The following VEPH1 variants were observed in gnomAD, a reference collection of about 807,000 sequenced individuals.
VEPH1 encodes the protein ventricular zone-expressed PH domain-containing protein homolog 1.
Under a neutral mutation model 85.2 loss-of-function variants are expected in VEPH1, and 80 were observed. The ratio of observed to expected loss-of-function variants is 0.94; its 90% CI spans 0.78 to 1.13. The LOEUF (loss-of-function observed/expected upper bound fraction) is 1.13. Ranked by LOEUF, VEPH1 falls within the 50% of genes most tolerant of loss-of-function variation. The pLI, the probability that VEPH1 is intolerant of heterozygous loss-of-function variation, is 0.00. For synonymous variants in VEPH1, 297 were observed against 348.0 expected, an observed-to-expected ratio of 0.85 and a Z score of 1.63; for missense variants, 955 against 980.5, an observed-to-expected ratio of 0.97 and a Z score of 0.35.
chr3:157,437,569 C>T (rs774898149), intron 4 of VEPH1: 1 of 1,600,070 alleles, frequency 6.2e-7, no homozygotes, highest in Non-Finnish European at 8.5e-7. Context: ...CTTCATCATG[C>T]TGGAGAACTC....
chr3:157,360,974 C>A lies in VEPH1; in HGVS notation c.1735+2390G>T, dbSNP rs186285829. ...AGACTAAAACTCATTGCATAGTAAA[C>A]CTTTAATGCTTTAGATCAACTTTGA... On this transcript the variant is annotated intron_variant, in intron 9 of 13. Coordinates refer to ENST00000362010, the MANE Select transcript of VEPH1 (RefSeq NM_001167912.2). Among the ~76,000 whole-genome samples, 253 of 152,266 alleles carry A rather than the reference C, an allele frequency of 1.7e-3. 1 individual carries two copies. The highest frequency in any genetic ancestry group is 2.7e-3 in the Non-Finnish European group (187 of 68,010).
At chr3:157,437,687 C>A (rs1430639564) in intron 4 of VEPH1, 3 of 1,533,962 alleles carry the variant, frequency 2.0e-6, no homozygotes, top group Non-Finnish European at 2.6e-6. Flanking sequence ...CTGGCGAGGC[C>A]GTGCGCGCCG....
rs781391207 is a variant in VEPH1 at position 157,364,514 on chromosome 3, T to C, written c.1128-2A>G. The C allele has an allele frequency of 6.2e-7, 1 of 1,612,168 alleles. No homozygotes were observed. Among genetic ancestry groups the C allele is most frequent in the South Asian group, 1.1e-5 (1 of 91,008 alleles). ...TCAATTTCAGTGCTGATTTTTCTCCTAAAGGAATATAAATCATTGCATTAG... is the reference window on the plus strand; with the variant it reads ...TCAATTTCAGTGCTGATTTTTCTCCCAAAGGAATATAAATCATTGCATTAG... On this transcript the variant is annotated splice_acceptor_variant, in intron 7 of 13. Transcript: ENST00000362010. LOFTEE classifies it high-confidence loss of function.
chr3:157,487,290 C>CA (rs887376292), intron 2 of VEPH1, among the ~76,000 whole-genome samples: 4 of 151,832 alleles, frequency 2.6e-5, no homozygotes, highest in Admixed American at 1.3e-4. Flanking sequence ...CAGAAGCTGC[C>CA]AAAAAATAAT....
intron 2 of VEPH1, 142 bp from the exon 3 acceptor site, chr3:157,470,671 AG>A: frequency 1.5e-6 from 1 of 687,630 alleles, no homozygotes. Context: ...AATACAATAA[AG>A]GCTTCCTTCC....
At chr3:157,324,680 T>TA (rs1376732497) in intron 9 of VEPH1, among the ~76,000 whole-genome samples, 1 of 152,006 alleles carries the variant, frequency 6.6e-6, no homozygotes, top group African/African-American at 2.4e-5. Flanking sequence ...TTTTTTTTTT[T>TA]ATGGCCACAT....
intron 9 of VEPH1, among the ~76,000 whole-genome samples, chr3:157,318,116 C>CA (rs1720945120): frequency 6.6e-6 from 1 of 152,106 alleles, no homozygotes; most frequent in African/African-American, 2.4e-5. Context: ...GAATGATGCT[C>CA]AGAGATCCAG....
At chr3:157,273,561 G>A (rs571783868) in intron 12 of VEPH1, among the ~76,000 whole-genome samples, 8 of 152,156 alleles carry the variant, frequency 5.3e-5, no homozygotes, top group Non-Finnish European at 1.2e-4. Flanking sequence ...AAAGTTCATA[G>A]CAAAGGACCA....
intron 3 of VEPH1, among the ~76,000 whole-genome samples, chr3:157,468,902 A>G (rs1444646549): frequency 6.6e-6 from 1 of 151,976 alleles, no homozygotes; most frequent in African/African-American, 2.4e-5. Context: ...CTGGGACGAG[A>G]ACATTTAAAA....
At chr3:157,493,092 A>G in intron 2 of VEPH1, 3 of 363,928 alleles carry the variant, frequency 8.2e-6, no homozygotes. Context: ...ATGAGTAGGG[A>G]ACCTTGATGG....
intron 3 of VEPH1, among the ~76,000 whole-genome samples, chr3:157,461,280 G>A (rs1735844398): frequency 6.6e-6 from 1 of 151,132 alleles, no homozygotes; most frequent in Admixed American, 6.6e-5. Flanking sequence ...ATAATGTTTT[G>A]GTCAACAAAT....
intron 3 of VEPH1, among the ~76,000 whole-genome samples, chr3:157,465,264 A>C (rs1736256762): frequency 6.6e-6 from 1 of 152,230 alleles, no homozygotes; most frequent in African/African-American, 2.4e-5. Context: ...CAGTGAATAG[A>C]AGAGCTTATA....
In VEPH1 at chr3:157,495,211, C is replaced by G. The variant is rs1453856724; in HGVS notation, c.138+1G>C. 1 of 1,613,564 alleles carries G rather than the reference C, an allele frequency of 6.2e-7. No individual in the cohort carries two copies. Among genetic ancestry groups the G allele is most frequent in the Non-Finnish European group, 8.5e-7 (1 of 1,179,746 alleles). ...TGTAGTCTATAAACCAGTTTACTTA[C>G]TGAAGATGAGCTAATTATCTTAATT... On this transcript the variant is annotated splice_donor_variant, in intron 2 of 13. Coordinates refer to ENST00000362010, the MANE Select transcript of VEPH1 (RefSeq NM_001167912.2). LOFTEE classifies it high-confidence loss of function.
At chr3:157,356,616 C>G (rs192193828) in intron 9 of VEPH1, among the ~76,000 whole-genome samples, 1 of 152,132 alleles carries the variant, frequency 6.6e-6, no homozygotes, top group Non-Finnish European at 1.5e-5. Context: ...CTTCACCCAG[C>G]GATATAATCT....
intron 6 of VEPH1, among the ~76,000 whole-genome samples, chr3:157,400,272 C>A (rs1317073466): frequency 2.0e-5 from 3 of 152,086 alleles, no homozygotes; most frequent in African/African-American, 7.2e-5. Context: ...TTATATGAAT[C>A]TTAAATTTTG....
At chr3:157,283,778 TA>T (rs554216293) in intron 12 of VEPH1, among the ~76,000 whole-genome samples, 95 of 152,376 alleles carry the variant, frequency 6.2e-4, no homozygotes, top group African/African-American at 2.2e-3. Context: ...TGGACAGCAT[TA>T]AAAAATATTG....
chr3:157,351,853 G>T (rs9834293), intron 9 of VEPH1, among the ~76,000 whole-genome samples: 1 of 152,074 alleles, frequency 6.6e-6, no homozygotes, highest in African/African-American at 2.4e-5. Flanking sequence ...GCTGACCTGC[G>T]CATTGTAGTA....
chr3:157,336,869 G>A (rs922985919), intron 9 of VEPH1, among the ~76,000 whole-genome samples: 1 of 152,142 alleles, frequency 6.6e-6, no homozygotes, highest in African/African-American at 2.4e-5. Context: ...TACTACAATG[G>A]CAGAATTGAG....
rs769166933 is a variant in VEPH1 at position 157,333,901 on chromosome 3, G to C, written c.1736-16700C>G. Reference sequence around the variant, plus strand: ...TAAGCCTAAGATCATGTATATGTGAGTCACCCATTGCATTGCTCTCTCTGG... The same window carrying C: ...TAAGCCTAAGATCATGTATATGTGACTCACCCATTGCATTGCTCTCTCTGG... On this transcript the variant is annotated intron_variant, in intron 9 of 13. Coordinates refer to ENST00000362010, the MANE Select transcript of VEPH1 (RefSeq NM_001167912.2). 9.8e-4 allele frequency among the ~76,000 whole-genome samples: 149 copies of C among 152,222 alleles called. 1 individual carries two copies. Among genetic ancestry groups the C allele is most frequent in the Middle Eastern group, 6.8e-3 (2 of 294 alleles).
Sources: allele counts gnomAD v4.1 joint callset (sites outside exome capture counted in the v4.1 genomes callset), GRCh38; gene constraint gnomAD v4.1.1; transcripts MANE v1.5; gene names NCBI Gene and HGNC (gene_info 2026-07-23, HGNC 2026-07-21).